Variants in UNC79 observed in about 807,000 individuals in gnomAD.
UNC79 encodes the protein protein unc-79 homolog.
UNC79 carries 37 observed loss-of-function variants against 283.1 expected under a neutral mutation model. That is an observed-to-expected ratio of 0.13 (90% CI 0.10 to 0.17). The LOEUF is 0.17. Ranked by LOEUF, UNC79 falls within the 10% of genes least tolerant of loss-of-function variation. UNC79 has a pLI of 1.00. For missense variants in UNC79, 2,272 were observed against 3,211.1 expected (o/e 0.71, Z 7.07); for synonymous variants, 1,107 against 1,200.2 (o/e 0.92, Z 1.61).
chr14:93,507,947 A>G (rs2059630242), intron 7 of UNC79, among the ~76,000 whole-genome samples: 1 of 151,500 alleles, frequency 6.6e-6, no homozygotes, highest in South Asian at 2.1e-4. Flanking sequence ...TGAAAAGATT[A>G]TTTTCTCCCC....
At chr14:93,415,666 G>A (rs1293524193) in intron 1 of UNC79, among the ~76,000 whole-genome samples, 1 of 151,572 alleles carries the variant, frequency 6.6e-6, no homozygotes, top group African/African-American at 2.4e-5. Flanking sequence ...CTTTTTGGTT[G>A]GTAAGCTATT....
At chr14:93,457,520 G>C (rs1037290464) in intron 1 of UNC79, among the ~76,000 whole-genome samples, 5 of 152,220 alleles carry the variant, frequency 3.3e-5, no homozygotes, top group Admixed American at 2.6e-4. Flanking sequence ...GAAACATGGA[G>C]GAGTAACAGG....
chr14:93,356,794 AGC>A (rs1416562386), intron 1 of UNC79, among the ~76,000 whole-genome samples: 1 of 152,244 alleles, frequency 6.6e-6, no homozygotes, highest in Non-Finnish European at 1.5e-5. Flanking sequence ...GCAAATGAAT[AGC>A]TCTCTTTATA....
intron 30 of UNC79, among the ~76,000 whole-genome samples, chr14:93,626,566 T>G (rs1405382082): frequency 6.6e-6 from 1 of 152,232 alleles, no homozygotes; most frequent in Non-Finnish European, 1.5e-5. Flanking sequence ...TAGCCCATTT[T>G]ACTCCTTTCC....
At chr14:93,437,089 G>A in intron 1 of UNC79, among the ~76,000 whole-genome samples, 1 of 152,136 alleles carries the variant, frequency 6.6e-6, no homozygotes, top group East Asian at 1.9e-4. Flanking sequence ...ATGCACAAAT[G>A]CATGTGTATA....
chr14:93,557,899 A>C (rs941704778), intron 14 of UNC79, among the ~76,000 whole-genome samples: 7 of 152,228 alleles, frequency 4.6e-5, no homozygotes, highest in African/African-American at 1.7e-4. Context: ...AAGGCTAGCC[A>C]TGACATTATC....
At chr14:93,530,642 G>A (rs1252794539) in intron 10 of UNC79, among the ~76,000 whole-genome samples, 3 of 151,768 alleles carry the variant, frequency 2.0e-5, no homozygotes, top group African/African-American at 7.3e-5. Flanking sequence ...GGGCGCGGTG[G>A]CTCACGCCTG....
chr14:93,687,467 C>T (rs2074333628), intron 43 of UNC79, among the ~76,000 whole-genome samples: 1 of 152,120 alleles, frequency 6.6e-6, no homozygotes, highest in Non-Finnish European at 1.5e-5. Flanking sequence ...AAACATGGTC[C>T]AAGGAGCAGC....
exon 19 of UNC79, chr14:93,580,297 G>A (rs2141733528): frequency 1.9e-6 from 3 of 1,614,226 alleles, no homozygotes; most frequent in Non-Finnish European, 2.5e-6. Flanking sequence ...TGCAACTTAT[G>A]TCAGTCTAGT....
rs916445750 is a variant in UNC79 at position 93,550,473 on chromosome 14, G to T, written c.1755+7777G>T. Among the ~76,000 whole-genome samples the T allele has an allele frequency of 1.5e-5, 2 of 134,344 alleles. 1 individual carries two copies. Among genetic ancestry groups the T allele is most frequent in the Admixed American group, 1.7e-4 (2 of 11,776 alleles). The allele number at this position is 134,344 out of a possible 152,430, so 88.1% of individuals were successfully genotyped here. On this transcript the variant is annotated intron_variant, in intron 14 of 48. Coordinates refer to ENST00000555664, the Ensembl canonical transcript of UNC79. ...GAGGTTGCAGTGAGCCAAGATCGCG[G>T]CTCTGCACTCCAGCCTGGGAGACAG... is the stretch of plus-strand genomic sequence containing the variant.
intron 1 of UNC79, among the ~76,000 whole-genome samples, chr14:93,341,961 C>T (rs2053722913): frequency 6.6e-6 from 1 of 152,206 alleles, no homozygotes; most frequent in East Asian, 1.9e-4. Flanking sequence ...ACTGCTTTCA[C>T]AGGCTGGTGT....
At chr14:93,354,871 C>G (rs933245588) in intron 1 of UNC79, among the ~76,000 whole-genome samples, 2 of 152,084 alleles carry the variant, frequency 1.3e-5, no homozygotes, top group Non-Finnish European at 2.9e-5. Flanking sequence ...GGGTTAGGAT[C>G]TGGTTTTGGT....
intron 35 of UNC79, among the ~76,000 whole-genome samples, chr14:93,647,420 A>G (rs1325662502): frequency 6.6e-6 from 1 of 152,226 alleles, no homozygotes; most frequent in East Asian, 1.9e-4. Flanking sequence ...TTTTAGATAT[A>G]ATGGTCAAGG....
intron 1 of UNC79, chr14:93,348,021 C>G: frequency 1.3e-6 from 2 of 1,590,994 alleles, no homozygotes; most frequent in South Asian, 2.2e-5. Flanking sequence ...GTCATCTTCT[C>G]TTCCAGGAAA....
chr14:93,397,838 C>T (rs898055902), intron 1 of UNC79, among the ~76,000 whole-genome samples: 4 of 146,750 alleles, frequency 2.7e-5, no homozygotes, highest in African/African-American at 1.0e-4. Context: ...GCAGAAGGAT[C>T]ACTTGAGGCC....
intron 11 of UNC79, among the ~76,000 whole-genome samples, chr14:93,537,419 G>C (rs2061145772): frequency 6.6e-6 from 1 of 152,224 alleles, no homozygotes; most frequent in Non-Finnish European, 1.5e-5. Context: ...GGGAAGGCCT[G>C]GCTTGAGGCC....
Position 93,341,089 on chromosome 14 carries a change from G to A in UNC79, c.-351+7566G>A, listed in dbSNP as rs2053698391. Among the ~76,000 whole-genome samples the A allele has an allele frequency of 2.0e-5, 3 of 152,158 alleles. No individual in the cohort carries two copies. In the South Asian group the frequency reaches 6.2e-4, roughly 31 times the overall value. Reference sequence around the variant, plus strand: ...CCCAACTGCCAATCTTTTCATGTCAGTATAACAGAAATCCATTGAAGAATA... The same window carrying A: ...CCCAACTGCCAATCTTTTCATGTCAATATAACAGAAATCCATTGAAGAATA... On this transcript the variant is annotated intron_variant, in intron 1 of 49. Transcript: ENST00000256339.
intron 35 of UNC79, among the ~76,000 whole-genome samples, chr14:93,650,094 T>C (rs1476968029): frequency 2.6e-4 from 39 of 152,352 alleles, no homozygotes; most frequent in Non-Finnish European, 2.9e-5. Flanking sequence ...TGTGTCCAAC[T>C]TCTGTTACTC....
At chr14:93,584,533 T>C (rs1178052807) in intron 20 of UNC79, among the ~76,000 whole-genome samples, 1 of 152,234 alleles carries the variant, frequency 6.6e-6, no homozygotes, top group Non-Finnish European at 1.5e-5. Context: ...CTGTCAGGCA[T>C]TCATGCCTAT....
Sources: allele counts gnomAD v4.1 joint callset (sites outside exome capture counted in the v4.1 genomes callset), GRCh38; gene constraint gnomAD v4.1.1; transcripts MANE v1.5; gene names NCBI Gene and HGNC (gene_info 2026-07-23, HGNC 2026-07-21).